Variants in GLDC observed in about 807,000 individuals in gnomAD.
GLDC encodes the protein glycine dehydrogenase (decarboxylating), mitochondrial.
Under a neutral mutation model 121.3 loss-of-function variants are expected in GLDC, and 104 were observed. The observed-to-expected ratio is 0.86, with a 90% CI of 0.73 to 1.01. The LOEUF is 1.01. Among genes scored for constraint, GLDC ranks in the 50% least tolerant of loss-of-function variants. The pLI, the probability that GLDC is intolerant of heterozygous loss-of-function variation, is 0.00. For synonymous variants in GLDC, 546 were observed against 480.6 expected (o/e 1.14, Z -1.78); for missense variants, 1,429 against 1,306.6 (o/e 1.09, Z -1.44).
chr9:6,571,543 G>A (rs1817968311), intron 15 of GLDC, among the ~76,000 whole-genome samples: 1 of 152,084 alleles, frequency 6.6e-6, no homozygotes. Context: ...CCTTGAAAGC[G>A]CTGTGATAAC....
intron 2 of GLDC, among the ~76,000 whole-genome samples, chr9:6,629,375 C>T (rs563169182): frequency 1.3e-5 from 2 of 151,866 alleles, no homozygotes; most frequent in South Asian, 2.1e-4. Flanking sequence ...CCACCATGCC[C>T]GGCTAATTTT....
intron 15 of GLDC, among the ~76,000 whole-genome samples, chr9:6,570,092 A>C (rs980564017): frequency 1.3e-5 from 2 of 152,226 alleles, no homozygotes; most frequent in African/African-American, 4.8e-5. Flanking sequence ...CATGCTTTTT[A>C]TATATGCAAA....
intron 1 of GLDC, 33 bp downstream of exon 1, chr9:6,645,212 G>T (rs1054918158): frequency 6.4e-7 from 1 of 1,554,102 alleles, no homozygotes; most frequent in Admixed American, 1.9e-5. Flanking sequence ...AGGGCGGAGG[G>T]GAGGCCGCGG....
intron 3 of GLDC, among the ~76,000 whole-genome samples, chr9:6,617,507 A>T (rs1818989098): frequency 6.6e-6 from 1 of 152,190 alleles, no homozygotes; most frequent in East Asian, 1.9e-4. Context: ...TTTCTTTTGA[A>T]ATTAACCTTG....
chr9:6,598,294 G>C (rs903599504), intron 8 of GLDC, among the ~76,000 whole-genome samples: 3 of 152,196 alleles, frequency 2.0e-5, no homozygotes, highest in Admixed American at 2.0e-4. Flanking sequence ...GCCTCCTAAA[G>C]TGTTGAGATT....
Position 6,576,693 on chromosome 9 carries a change from C to G in GLDC, c.1850+10448G>C, listed in dbSNP as rs567193770. 5.3e-4 allele frequency among the ~76,000 whole-genome samples: 80 copies of G among 152,286 alleles called. 1 individual carries two copies. The highest frequency in any genetic ancestry group is 1.8e-3 in the African/African-American group (75 of 41,554). On this transcript the variant is annotated intron_variant, in intron 15 of 24. Transcript: ENST00000321612. ...CGTTGGCCAGGCTGGTCTCAAACTC[C>G]TGATCTCAGGTGATCCGCCTGCCTC...
At chr9:6,581,290 T>C (rs1563846150) in intron 15 of GLDC, among the ~76,000 whole-genome samples, 1 of 152,236 alleles carries the variant, frequency 6.6e-6, no homozygotes. Context: ...CCAATGGGAC[T>C]GATCTCTAGG....
intron 16 of GLDC, among the ~76,000 whole-genome samples, chr9:6,564,861 G>A (rs1176150557): frequency 2.0e-5 from 3 of 152,220 alleles, no homozygotes; most frequent in Non-Finnish European, 2.9e-5. Context: ...TCTGCTTTAT[G>A]CCTTTTTTGG....
At chr9:6,613,987 G>C (rs1818915464) in intron 3 of GLDC, among the ~76,000 whole-genome samples, 1 of 152,066 alleles carries the variant, frequency 6.6e-6, no homozygotes, top group Non-Finnish European at 1.5e-5. Flanking sequence ...ATGTTGGCCA[G>C]GCTGGTCTCG....
At chr9:6,565,951 A>G (rs368072241) in intron 15 of GLDC, 265 of 203,606 alleles carry the variant, frequency 1.3e-3, no homozygotes, top group Non-Finnish European at 2.0e-3. Context: ...TTTTAAAAAT[A>G]TAACTACAGG....
At chr9:6,638,087 A>T (rs927972918) in intron 2 of GLDC, among the ~76,000 whole-genome samples, 3 of 152,142 alleles carry the variant, frequency 2.0e-5, no homozygotes, top group African/African-American at 7.2e-5. Context: ...ATTATTTAAG[A>T]TTCCATCAGG....
Position 6,633,893 on chromosome 9 carries a change from G to A in GLDC, c.334+10721C>T, listed in dbSNP as rs138601777. On this transcript the variant is annotated intron_variant, in intron 2 of 24. Transcript: ENST00000321612. ...CGCTCAGGCTGGAGTCCAGTGGCAC[G>A]ATCTCAGCTCACTGCAAGCTGTGCC... 1.3e-3 allele frequency among the ~76,000 whole-genome samples: 164 copies of A among 127,962 alleles called. 2 individuals are homozygous for A. The highest frequency in any genetic ancestry group is 4.8e-3 in the African/African-American group (157 of 32,456). 83.9% of individuals were successfully genotyped at this position (127,962 alleles called of 152,430 possible). A position where few individuals can be genotyped will look rare whatever the true frequency, so the allele number is the denominator to read the frequency against.
Position 6,532,693 on chromosome 9 carries a change from T to G in GLDC, c.*324A>C, listed in dbSNP as rs1445724743. 2.9e-6 allele frequency: 1 copy of G among 349,298 alleles called. No individual in the cohort carries two copies. Among genetic ancestry groups the G allele is most frequent in the African/African-American group, 2.1e-5 (1 of 47,584 alleles). The allele number at this position is 349,298 out of a possible 1,614,324, so 21.6% of individuals were successfully genotyped here. A position where few individuals can be genotyped will look rare whatever the true frequency, so the allele number is the denominator to read the frequency against. On this transcript the variant is annotated 3_prime_UTR_variant, in exon 25 of 25. Coordinates refer to ENST00000321612, the MANE Select transcript of GLDC (RefSeq NM_000170.3). ...GGAACAAAAAAATGTCTATTAAGTC[T>G]CCAGGATAGCCTCTATGACATCTGC...
At chr9:6,613,273 C>T (rs1467298591) in intron 3 of GLDC, among the ~76,000 whole-genome samples, 2 of 152,132 alleles carry the variant, frequency 1.3e-5, no homozygotes, top group Non-Finnish European at 2.9e-5. Context: ...AACATAACTA[C>T]AGTTAACATT....
chr9:6,642,268 G>C (rs1819644713), intron 2 of GLDC, among the ~76,000 whole-genome samples: 1 of 152,210 alleles, frequency 6.6e-6, no homozygotes, highest in Non-Finnish European at 1.5e-5. Flanking sequence ...GGTGGCTCAT[G>C]CCTGTAATCC....
At chr9:6,558,538 T>C (rs1183516079) in intron 17 of GLDC, 21 bp downstream of exon 17, 1 of 1,613,920 alleles carries the variant, frequency 6.2e-7, no homozygotes, top group Admixed American at 1.7e-5. Flanking sequence ...CTCTCCCATC[T>C]GCTAAGGAGA....
intron 3 of GLDC, among the ~76,000 whole-genome samples, chr9:6,617,314 T>A (rs138825954): frequency 3.2e-4 from 49 of 152,278 alleles, no homozygotes; most frequent in African/African-American, 1.1e-3. Flanking sequence ...ATCATCTCCT[T>A]CTCAAAACAC....
In GLDC at chr9:6,561,941, G is replaced by C. The variant is rs1817767612; in HGVS notation, c.1927-3257C>G. 2.6e-5 allele frequency among the ~76,000 whole-genome samples: 4 copies of C among 152,002 alleles called. 1 individual carries two copies. Among genetic ancestry groups the C allele is most frequent in the Admixed American group, 2.6e-4 (4 of 15,280 alleles). ...CTACTTTGTCTCAGGCAGTTGGGAAGAAAAAAATATTCCCATACAGGTTTT... is the reference window on the plus strand; with the variant it reads ...CTACTTTGTCTCAGGCAGTTGGGAACAAAAAAATATTCCCATACAGGTTTT... On this transcript the variant is annotated intron_variant, in intron 16 of 24. Coordinates refer to ENST00000321612, the MANE Select transcript of GLDC (RefSeq NM_000170.3).
At chr9:6,598,632 T>G (rs138052947) in intron 8 of GLDC, among the ~76,000 whole-genome samples, 206 of 152,284 alleles carry the variant, frequency 1.4e-3, no homozygotes, top group African/African-American at 4.7e-3. Context: ...ACAGGGAGAC[T>G]TGCATGCTCA....
Sources: gnomAD v4.1 joint callset for allele counts (sites outside exome capture counted in the v4.1 genomes callset) on GRCh38, gnomAD v4.1.1 for gene constraint, MANE v1.5 for transcripts, NCBI Gene and HGNC (gene_info 2026-07-23, HGNC 2026-07-21) for gene names.